CPQ: variants seen among roughly 807,000 people sequenced by gnomAD.
CPQ encodes the protein carboxypeptidase Q, also known as Ser-Met dipeptidase.
CPQ carries 37 observed loss-of-function variants against 45.7 expected under a neutral mutation model. That is an observed-to-expected ratio of 0.81 (90% CI 0.62 to 1.07). CPQ has a LOEUF of 1.07. CPQ is among the 50% of genes least tolerant of loss of function. CPQ has a pLI of 0.00. For synonymous variants in CPQ, 186 were observed against 205.8 expected (o/e 0.90, Z 0.82); for missense variants, 537 against 572.9 (o/e 0.94, Z 0.64).
At chr8:96,877,310 T>A (rs1812159209) in intron 3 of CPQ, among the ~76,000 whole-genome samples, 2 of 152,160 alleles carry the variant, frequency 1.3e-5, no homozygotes, top group South Asian at 2.1e-4. Flanking sequence ...TTCAGTGCCG[T>A]CTCCTCAGCT....
At chr8:96,929,269 A>C (rs996422478) in intron 4 of CPQ, among the ~76,000 whole-genome samples, 2 of 152,214 alleles carry the variant, frequency 1.3e-5, no homozygotes. Flanking sequence ...TGTCAGCATG[A>C]GGAAGGTCTT....
At chr8:97,014,505 C>T (rs1312806814) in intron 5 of CPQ, among the ~76,000 whole-genome samples, 1 of 151,824 alleles carries the variant, frequency 6.6e-6, no homozygotes, top group Non-Finnish European at 1.5e-5. Context: ...ATAAAACTAG[C>T]TGGGCATGGT....
intron 4 of CPQ, among the ~76,000 whole-genome samples, chr8:96,920,686 A>C (rs1312599727): frequency 1.3e-5 from 2 of 152,148 alleles, no homozygotes. Flanking sequence ...TTAAGCTATT[A>C]GGGTGGGGTC....
intron 4 of CPQ, among the ~76,000 whole-genome samples, chr8:96,908,182 AGAGG>A (rs1282742577): frequency 6.6e-6 from 1 of 151,542 alleles, no homozygotes; most frequent in African/African-American, 2.4e-5. Flanking sequence ...GAGAGAGGAG[AGAGG>A]GAGAAGAGAG....
At chr8:97,117,879 C>T (rs928866562) in intron 7 of CPQ, among the ~76,000 whole-genome samples, 1 of 152,100 alleles carries the variant, frequency 6.6e-6, no homozygotes, top group Admixed American at 6.6e-5. Flanking sequence ...GATTTCTACA[C>T]ACCCATTTTA....
intron 1 of CPQ, among the ~76,000 whole-genome samples, chr8:96,650,848 G>T (rs1361476108): frequency 1.3e-5 from 2 of 152,164 alleles, no homozygotes; most frequent in African/African-American, 2.4e-5. Flanking sequence ...GACACTTTCA[G>T]TGCAGTAGGG....
Position 97,013,765 on chromosome 8 carries a change from A to G in CPQ, c.962-15638A>G, listed in dbSNP as rs1484639250. 3.3e-5 allele frequency among the ~76,000 whole-genome samples: 5 copies of G among 152,360 alleles called. No homozygotes were observed. The East Asian group carries it at 7.7e-4, about 23-fold the overall frequency. On this transcript the variant is annotated intron_variant, in intron 5 of 7. Transcript: ENST00000220763. ...TGGAGGCAGATCGGAATCTATCTAC[A>G]TAGGGCCTTGAATGCTATACTAAAG...
intron 3 of CPQ, among the ~76,000 whole-genome samples, chr8:96,856,853 C>T (rs922542613): frequency 1.3e-5 from 2 of 152,230 alleles, no homozygotes; most frequent in Non-Finnish European, 2.9e-5. Context: ...TCACTAGACT[C>T]TAACATCTGT....
chr8:96,800,662 A>T (rs967864404), intron 2 of CPQ, among the ~76,000 whole-genome samples: 3 of 152,212 alleles, frequency 2.0e-5, no homozygotes, highest in Non-Finnish European at 4.4e-5. Flanking sequence ...TTGCAACATG[A>T]ATGGCTCTTA....
intron 2 of CPQ, among the ~76,000 whole-genome samples, chr8:96,802,146 G>T (rs1222519940): frequency 4.6e-5 from 7 of 151,062 alleles, no homozygotes; most frequent in Admixed American, 4.0e-4. Flanking sequence ...GTGTCTCTTT[G>T]TTTTTATCTC....
At chr8:96,803,580 G>T (rs1399803405) in intron 2 of CPQ, among the ~76,000 whole-genome samples, 1 of 152,138 alleles carries the variant, frequency 6.6e-6, no homozygotes, top group African/African-American at 2.4e-5. Flanking sequence ...AGCCAGTAAT[G>T]AGTTTGGTTT....
At chr8:97,012,890 A>T (rs1418240000) in intron 5 of CPQ, among the ~76,000 whole-genome samples, 2 of 150,230 alleles carry the variant, frequency 1.3e-5, no homozygotes, top group Non-Finnish European at 2.9e-5. Context: ...CAAGGATGCA[A>T]ATGTGTCTTG....
chr8:96,797,512 T>C (rs114866149), intron 2 of CPQ, among the ~76,000 whole-genome samples: 1,666 of 152,260 alleles, frequency 0.011, 42 homozygotes, highest in African/African-American at 0.037. Flanking sequence ...ATGAATTTAA[T>C]AGGACAAAAA....
chr8:96,650,479 T>G (rs1815565187), intron 1 of CPQ, among the ~76,000 whole-genome samples: 1 of 152,224 alleles, frequency 6.6e-6, no homozygotes, highest in Admixed American at 6.5e-5. Context: ...ATTATCTTTC[T>G]TTTATAAACT....
intron 1 of CPQ, among the ~76,000 whole-genome samples, chr8:96,755,173 G>A (rs982015934): frequency 6.6e-6 from 1 of 151,728 alleles, no homozygotes; most frequent in South Asian, 2.1e-4. Context: ...GTATTTTGTG[G>A]TCCTTTATGC....
chr8:96,686,969 T>C (rs1809237821), intron 1 of CPQ, among the ~76,000 whole-genome samples: 1 of 152,120 alleles, frequency 6.6e-6, no homozygotes, highest in Non-Finnish European at 1.5e-5. Flanking sequence ...ACTGGTGTTA[T>C]AGGAGTCTTT....
intron 7 of CPQ, among the ~76,000 whole-genome samples, chr8:97,103,716 T>C (rs915699433): frequency 6.6e-6 from 1 of 152,012 alleles, no homozygotes; most frequent in Non-Finnish European, 1.5e-5. Flanking sequence ...AGGAAATGAG[T>C]CAGAGAATGG....
At chr8:97,012,798 T>A (rs1041434997) in intron 5 of CPQ, among the ~76,000 whole-genome samples, 3 of 152,108 alleles carry the variant, frequency 2.0e-5, no homozygotes, top group African/African-American at 7.3e-5. Flanking sequence ...TCCATTACCT[T>A]AGCAATGTGA....
intron 3 of CPQ, among the ~76,000 whole-genome samples, chr8:96,856,648 A>G (rs899955861): frequency 1.3e-5 from 2 of 152,120 alleles, no homozygotes; most frequent in African/African-American, 2.4e-5. Context: ...GGCCTGTACT[A>G]AGGCTGAGAT....
Sources: gnomAD v4.1 joint callset for allele counts (sites outside exome capture counted in the v4.1 genomes callset) on GRCh38, gnomAD v4.1.1 for gene constraint, MANE v1.5 for transcripts, NCBI Gene and HGNC (gene_info 2026-07-23, HGNC 2026-07-21) for gene names.